Variants in WWOX observed in about 807,000 individuals in gnomAD.
The protein encoded by WWOX is WW domain-containing oxidoreductase.
In WWOX, 69 loss-of-function variants were observed where a neutral mutation model predicts 46.2. That is an observed-to-expected ratio of 1.49 (90% CI 1.23 to 1.82). WWOX has a LOEUF of 1.82. WWOX is among the 40% of genes most tolerant of loss of function. The probability of loss-of-function intolerance (pLI) is 0.00; values close to 1 mark genes in which losing one functional copy is unlikely to be tolerated. For synonymous variants in WWOX, 359 were observed against 202.6 expected (o/e 1.77, Z -6.56); for missense variants, 919 against 542.6 (o/e 1.69, Z -6.89).
intron 8 of WWOX, among the ~76,000 whole-genome samples, chr16:79,183,478 C>G (rs753427258): frequency 6.6e-6 from 1 of 152,198 alleles, no homozygotes. Flanking sequence ...CTTATTTCTG[C>G]TTTTGGAAGA....
chr16:78,459,652 G>C (rs2083904846), intron 8 of WWOX, among the ~76,000 whole-genome samples: 1 of 152,144 alleles, frequency 6.6e-6, no homozygotes, highest in Non-Finnish European at 1.5e-5. Context: ...ATAGATTGCT[G>C]ATGTTTGCCA....
At chr16:78,223,738 C>G (rs905209467) in intron 5 of WWOX, among the ~76,000 whole-genome samples, 28 of 151,966 alleles carry the variant, frequency 1.8e-4, no homozygotes, top group African/African-American at 5.1e-4. Flanking sequence ...TGGAGCCCAG[C>G]TGAGTGGCCA....
rs111315302 is a variant in WWOX, at chr16:78,508,207, C to T, written c.1056+75455C>T. On this transcript the variant is annotated intron_variant, in intron 8 of 8. Transcript: ENST00000566780. ...TATTTTTTTAGTAGAGACAGGGTTT[C>T]GCCATGTTGGCCGGGCTGGTCTTGA... is the stretch of plus-strand genomic sequence containing the variant. 5.4e-3 allele frequency among the ~76,000 whole-genome samples: 822 copies of T among 151,380 alleles called. 6 individuals are homozygous for T. Among genetic ancestry groups the T allele is most frequent in the African/African-American group, 0.019 (773 of 41,160 alleles).
chr16:78,990,589 C>G (rs569231683), intron 8 of WWOX, among the ~76,000 whole-genome samples: 1 of 152,212 alleles, frequency 6.6e-6, no homozygotes, highest in South Asian at 2.1e-4. Context: ...AATTCCATCA[C>G]CACCCAAGTT....
chr16:78,914,228 C>G (rs538064036), intron 8 of WWOX, among the ~76,000 whole-genome samples: 1 of 152,136 alleles, frequency 6.6e-6, no homozygotes, highest in East Asian at 1.9e-4. Context: ...TTCTGTCTAT[C>G]CATCCGTCTA....
chr16:78,835,124 A>G (rs1404318224), intron 8 of WWOX, among the ~76,000 whole-genome samples: 2 of 152,116 alleles, frequency 1.3e-5, no homozygotes, highest in East Asian at 1.9e-4. Context: ...AAGGTAATAT[A>G]TGGGCTTGAA....
At position 78,360,547 on chromosome 16, in the gene WWOX, C is replaced by G. The variant is rs533517432; in HGVS notation, c.517-26313C>G. Among the ~76,000 whole-genome samples, 15 of 138,398 alleles carry G rather than the reference C, an allele frequency of 1.1e-4. No individual in the cohort carries two copies. In the East Asian group the frequency reaches 2.4e-3, roughly 22 times the overall value. The allele number at this position is 138,398 out of a possible 152,430, so 90.8% of individuals were successfully genotyped here. A position where few individuals can be genotyped will look rare whatever the true frequency, so the allele number is the denominator to read the frequency against. On this transcript the variant is annotated intron_variant, in intron 5 of 8. Coordinates refer to ENST00000566780, the MANE Select transcript of WWOX (RefSeq NM_016373.4). ...CTGCAGTGAGCCAAGCGGAGTGCCA[C>G]TGCACTCCAGTCTGGGCGACAGAGT...
chr16:78,790,283 C>T (rs1008220770), intron 8 of WWOX, among the ~76,000 whole-genome samples: 3 of 152,072 alleles, frequency 2.0e-5, no homozygotes, highest in South Asian at 2.1e-4. Flanking sequence ...TACAGGCGCA[C>T]GCCAGCACGC....
chr16:79,066,190 C>T (rs147092830), intron 8 of WWOX, among the ~76,000 whole-genome samples: 1 of 152,330 alleles, frequency 6.6e-6, no homozygotes, highest in Non-Finnish European at 1.5e-5. Context: ...ACTCCCCTCC[C>T]TCCACTGTTC....
At chr16:79,121,937 G>C (rs1004276023) in intron 8 of WWOX, among the ~76,000 whole-genome samples, 3 of 152,090 alleles carry the variant, frequency 2.0e-5, no homozygotes, top group African/African-American at 7.2e-5. Flanking sequence ...GTAACCCTAA[G>C]ATTGAACAAA....
chr16:78,578,649 T>C (rs2044968300), intron 8 of WWOX, among the ~76,000 whole-genome samples: 1 of 152,128 alleles, frequency 6.6e-6, no homozygotes, highest in Non-Finnish European at 1.5e-5. Flanking sequence ...AAAAGACAGA[T>C]ACATAGGCAG....
intron 8 of WWOX, among the ~76,000 whole-genome samples, chr16:78,980,643 A>G (rs767566678): frequency 5.3e-5 from 8 of 152,198 alleles, no homozygotes; most frequent in Admixed American, 2.0e-4. Flanking sequence ...TGATTATTCC[A>G]TAGTTGCAGG....
intron 8 of WWOX, among the ~76,000 whole-genome samples, chr16:78,580,805 G>C (rs1312525525): frequency 6.6e-6 from 1 of 152,128 alleles, no homozygotes; most frequent in East Asian, 1.9e-4. Context: ...ATGTATGATG[G>C]CCTTCATTAG....
chr16:78,418,602 ATAT>A (rs1450556647), intron 6 of WWOX, among the ~76,000 whole-genome samples: 2 of 152,198 alleles, frequency 1.3e-5, no homozygotes, highest in Non-Finnish European at 2.9e-5. Flanking sequence ...AAAGAATTGT[ATAT>A]TATGACTAAG....
intron 8 of WWOX, among the ~76,000 whole-genome samples, chr16:78,547,372 C>G (rs539804221): frequency 2.0e-5 from 3 of 152,226 alleles, no homozygotes; most frequent in African/African-American, 7.2e-5. Context: ...AGATGTGTAT[C>G]TAAGGTCACA....
intron 8 of WWOX, among the ~76,000 whole-genome samples, chr16:78,835,512 C>T (rs1481157744): frequency 6.6e-6 from 1 of 152,082 alleles, no homozygotes; most frequent in Non-Finnish European, 1.5e-5. Context: ...TACTGAATAC[C>T]CCGTAAAATC....
intron 8 of WWOX, among the ~76,000 whole-genome samples, chr16:79,174,346 C>T (rs2050758395): frequency 6.6e-6 from 1 of 152,154 alleles, no homozygotes; most frequent in Non-Finnish European, 1.5e-5. Context: ...ACAGCAAATC[C>T]TTCAAGATTA....
At chr16:79,052,478 C>G (rs1265635218) in intron 8 of WWOX, among the ~76,000 whole-genome samples, 1 of 152,214 alleles carries the variant, frequency 6.6e-6, no homozygotes, top group Non-Finnish European at 1.5e-5. Context: ...AAGACACATG[C>G]ACACATATGT....
chr16:78,735,139 T>A (rs1567524479), intron 8 of WWOX, among the ~76,000 whole-genome samples: 2 of 151,958 alleles, frequency 1.3e-5, no homozygotes, highest in East Asian at 3.9e-4. Context: ...AGTGCTGGGA[T>A]TACAGGGGTG....
Sources: allele counts gnomAD v4.1 joint callset (sites outside exome capture counted in the v4.1 genomes callset), GRCh38; gene constraint gnomAD v4.1.1; transcripts MANE v1.5; gene names NCBI Gene and HGNC (gene_info 2026-07-23, HGNC 2026-07-21).